Variants in POLR3C observed in about 807,000 individuals in gnomAD.
POLR3C encodes RNA polymerase III subunit C.
A neutral mutation model predicts 65.9 loss-of-function variants in POLR3C; 44 were observed. The observed-to-expected ratio is 0.67, with a 90% CI of 0.52 to 0.86. The LOEUF is 0.86. Ranked by LOEUF, POLR3C falls within the 40% of genes least tolerant of loss-of-function variation. The pLI is 0.00. For missense variants in POLR3C, 576 were observed against 653.2 expected (o/e 0.88, Z 1.29); for synonymous variants, 263 against 231.6 (o/e 1.14, Z -1.23).
At chr1:145,829,772 C>T (rs587739363) in intron 5 of POLR3C, among the ~76,000 whole-genome samples, 3 of 152,236 alleles carry the variant, frequency 2.0e-5, no homozygotes, top group African/African-American at 4.8e-5. Context: ...ACTTTGGCTC[C>T]GGCTTCAAAT....
chr1:145,832,423 C>T (rs1426075182), intron 5 of POLR3C, among the ~76,000 whole-genome samples: 1 of 152,018 alleles, frequency 6.6e-6, no homozygotes, highest in Admixed American at 6.6e-5. Flanking sequence ...GAAGGAAAGC[C>T]TGAAGATGTT....
intron 1 of POLR3C, 107 bp from the exon 2 acceptor site, chr1:145,825,650 T>G (rs1553725558): frequency 1.8e-6 from 1 of 564,106 alleles, no homozygotes; most frequent in South Asian, 3.2e-5. Flanking sequence ...CTTTTTGATA[T>G]GTATTGTCAA....
Position 145,842,548 on chromosome 1 carries a change from G to T in POLR3C, c.*128G>T. ...AACTAAACCCCCCTCTCTATCCCCTGCAGCCCAGGATACACCTGAAAGAAT... is the reference window on the plus strand; with the variant it reads ...AACTAAACCCCCCTCTCTATCCCCTTCAGCCCAGGATACACCTGAAAGAAT... On this transcript the variant is annotated 3_prime_UTR_variant, in exon 15 of 15. Coordinates refer to ENST00000334163, the MANE Select transcript of POLR3C (RefSeq NM_006468.8). 1 of 724,542 alleles carries T rather than the reference G, an allele frequency of 1.4e-6. No homozygotes were observed. Among genetic ancestry groups the T allele is most frequent in the Admixed American group, 2.0e-5 (1 of 50,658 alleles). The allele number at this position is 724,542 out of a possible 1,614,324, so 44.9% of individuals were successfully genotyped here.
intron 11 of POLR3C, among the ~76,000 whole-genome samples, chr1:145,838,567 C>A (rs1652043402): frequency 6.6e-6 from 1 of 152,106 alleles, no homozygotes; most frequent in African/African-American, 2.4e-5. Flanking sequence ...CCTATAGTCC[C>A]AGCTGCTCGG....
intron 5 of POLR3C, among the ~76,000 whole-genome samples, chr1:145,831,547 T>G (rs1295796538): frequency 6.8e-6 from 1 of 146,090 alleles, no homozygotes; most frequent in Non-Finnish European, 1.5e-5. Flanking sequence ...AGTTCTAGGA[T>G]AGAGTAACAG....
intron 4 of POLR3C, among the ~76,000 whole-genome samples, chr1:145,827,707 C>T (rs587742088): frequency 4.1e-5 from 6 of 146,362 alleles, no homozygotes; most frequent in African/African-American, 1.5e-4. Flanking sequence ...TGCAGTGAGC[C>T]GAGATCGTGC....
At chr1:145,830,040 T>C (rs1421829039) in intron 5 of POLR3C, among the ~76,000 whole-genome samples, 2 of 152,198 alleles carry the variant, frequency 1.3e-5, no homozygotes, top group African/African-American at 4.8e-5. Context: ...ATGAAGTGAC[T>C]GGATTTATAT....
chr1:145,831,915 C>T (rs587680366), intron 5 of POLR3C, among the ~76,000 whole-genome samples: 1 of 152,190 alleles, frequency 6.6e-6, no homozygotes, highest in South Asian at 2.1e-4. Flanking sequence ...GTGGCACGCA[C>T]CTGTGGTCCC....
At chr1:145,836,973 G>C in intron 9 of POLR3C, 107 bp downstream of exon 9, 1 of 588,232 alleles carries the variant, frequency 1.7e-6, no homozygotes, top group East Asian at 3.3e-5. Flanking sequence ...AAATAAATTA[G>C]AAAATTGAAG....
At chr1:145,836,689 C>G (rs931450431) in intron 8 of POLR3C, 115 bp downstream of exon 8, 2 of 935,802 alleles carry the variant, frequency 2.1e-6, no homozygotes, top group Middle Eastern at 2.1e-4. Flanking sequence ...CTAGCCAGCC[C>G]AGACAATTTC....
rs1559141811 is a variant in POLR3C, at chr1:145,827,108, G to GTATTTACCAAGTATT, written c.589+104_589+105insATTTACCAAGTATTT. 6.3e-6 allele frequency: 6 copies of GTATTTACCAAGTATT among 949,686 alleles called. No homozygotes were observed. In the African/African-American group the frequency reaches 9.9e-5, roughly 16 times the overall value. The allele number at this position is 949,686 out of a possible 1,614,324, so 58.8% of individuals were successfully genotyped here. A position where few individuals can be genotyped will look rare whatever the true frequency, so the allele number is the denominator to read the frequency against. The stretch of plus-strand genomic sequence containing the variant: ...ATTGTATTTACCAAGTATTTGCTAT[G>GTATTTACCAAGTATT]TGCCAGACATCGTGGTGTATAACAA... On this transcript the variant is annotated intron_variant, in intron 4 of 14. Coordinates refer to ENST00000334163, the MANE Select transcript of POLR3C (RefSeq NM_006468.8).
chr1:145,826,442 T>G lies in POLR3C; in HGVS notation c.148-12T>G. On this transcript the variant is annotated splice_polypyrimidine_tract_variant and intron_variant, in intron 2 of 14. Coordinates refer to ENST00000334163, the MANE Select transcript of POLR3C (RefSeq NM_006468.8). ...GTCTTTCCTCTCTTTCTTCTCTTTA[T>G]GTTCCATTTAGGTGAAGAAAGCCCT... The G allele has an allele frequency of 6.2e-7, 1 of 1,611,580 alleles. No individual in the cohort carries two copies. The highest frequency in any genetic ancestry group is 8.5e-7 in the Non-Finnish European group (1 of 1,178,192).
chr1:145,842,334 C>A lies in POLR3C; in HGVS notation c.1524-5C>A. On this transcript the variant is annotated splice_polypyrimidine_tract_variant and splice_region_variant and intron_variant, in intron 14 of 14. Coordinates refer to ENST00000334163, the MANE Select transcript of POLR3C (RefSeq NM_006468.8). The stretch of plus-strand genomic sequence containing the variant: ...TCTAGGCAAATGCCTTTACTTTTCA[C>A]TCAGGTTGGATGCCAGTGAGATCCA... 6.3e-7 allele frequency: 1 copy of A among 1,590,442 alleles called. No homozygotes were observed. The highest frequency in any genetic ancestry group is 8.6e-7 in the Non-Finnish European group (1 of 1,160,634).
At position 145,831,957 on chromosome 1, in the gene POLR3C, C is replaced by T. The variant is rs139617444; in HGVS notation, c.679-1303C>T. On this transcript the variant is annotated intron_variant, in intron 5 of 14. Coordinates refer to ENST00000334163, the MANE Select transcript of POLR3C (RefSeq NM_006468.8). Reference sequence around the variant, plus strand: ...TTGGGAGGCTGAGATGAGAGGATCACCTGAGCCCAGGGAGGTCAAGGCTGC... The same window carrying T: ...TTGGGAGGCTGAGATGAGAGGATCATCTGAGCCCAGGGAGGTCAAGGCTGC... Among the ~76,000 whole-genome samples the T allele has an allele frequency of 8.0e-3, 1,220 of 152,012 alleles. 8 individuals are homozygous for T. The highest frequency in any genetic ancestry group is 0.029 in the South Asian group (141 of 4,800).
intron 7 of POLR3C, among the ~76,000 whole-genome samples, chr1:145,834,206 G>T (rs1553727955): frequency 6.6e-6 from 1 of 152,042 alleles, no homozygotes; most frequent in African/African-American, 2.4e-5. Context: ...TCACAGAAAA[G>T]GTACAGTAAA....
intron 1 of POLR3C, among the ~76,000 whole-genome samples, chr1:145,825,386 C>T: frequency 1.3e-5 from 2 of 152,310 alleles, no homozygotes; most frequent in South Asian, 4.1e-4. Flanking sequence ...GCTAGGATTA[C>T]AGGCCTGAGC....
intron 11 of POLR3C, chr1:145,839,400 A>G (rs587684067): frequency 6.5e-6 from 1 of 152,828 alleles, no homozygotes; most frequent in Admixed American, 6.5e-5. Context: ...AATGGAAAAA[A>G]CAGGGAAGCC....
intron 5 of POLR3C, 151 bp from the exon 6 acceptor site, chr1:145,833,109 G>T: frequency 2.0e-6 from 1 of 489,600 alleles, no homozygotes; most frequent in Non-Finnish European, 3.7e-6. Context: ...GTCGGAATTT[G>T]TCTAGACACC....
rs782182340 is a variant in POLR3C, at chr1:145,825,847, T to C, written c.71T>C (p.Ile24Thr). The C allele has an allele frequency of 2.1e-5, 34 of 1,613,192 alleles. No individual in the cohort carries two copies. Among genetic ancestry groups the C allele is most frequent in the Admixed American group, 3.3e-5 (2 of 60,012 alleles). Residue 24 changes from isoleucine (I) to threonine (T), a missense_variant, in exon 2 of 15, where the codon ATT (isoleucine) becomes ACT (threonine). Coordinates refer to ENST00000334163, the MANE Select transcript of POLR3C (RefSeq NM_006468.8). ...QEHFGEIVEK[I>T]GVHLIRTGSQ... ...CATTTTGGAGAGATTGTAGAAAAAA[T>C]TGGAGTCCATCTGATAAGAACCGGC...
Sources: allele counts gnomAD v4.1 joint callset (sites outside exome capture counted in the v4.1 genomes callset), GRCh38; gene constraint gnomAD v4.1.1; transcripts MANE v1.5; gene names NCBI Gene and HGNC (gene_info 2026-07-23, HGNC 2026-07-21).